ADAMTS15: variants seen among roughly 807,000 people sequenced by gnomAD.
ADAMTS15 encodes the protein A disintegrin and metalloproteinase with thrombospondin motifs 15.
Under a neutral mutation model 79.1 loss-of-function variants are expected in ADAMTS15, and 35 were observed. The observed-to-expected ratio is 0.44, with a 90% CI of 0.34 to 0.59. The LOEUF (loss-of-function observed/expected upper bound fraction) is 0.59. Among genes scored for constraint, ADAMTS15 ranks in the 20% least tolerant of loss-of-function variants. The pLI is 0.02. For missense variants in ADAMTS15, 1,324 were observed against 1,318.7 expected (o/e 1.00, Z -0.06); for synonymous variants, 616 against 567.3 (o/e 1.09, Z -1.22).
At position 130,470,973 on chromosome 11, in the gene ADAMTS15, C is replaced by T; in HGVS notation, c.1774C>T (p.His592Tyr). ...GTGTGAGGCTTTCAACGGCTACAAC[C>T]ACAGCACCAACCGGCTCACTCTCGC... Reference protein sequence around the residue: ...EQCEAFNGYNHSTNRLTLAVA... With the variant: ...EQCEAFNGYNYSTNRLTLAVA... The change falls in exon 6 of 8, where the codon CAC becomes TAC. Residue 592 changes from histidine (H) to tyrosine (Y), a missense_variant. His to Tyr is a moderately conservative substitution (Grantham distance 83). Coordinates refer to ENST00000299164, the MANE Select transcript of ADAMTS15 (RefSeq NM_139055.4). 1.9e-6 allele frequency: 3 copies of T among 1,613,932 alleles called. No individual in the cohort carries two copies. The highest frequency in any genetic ancestry group is 2.5e-6 in the Non-Finnish European group (3 of 1,180,032).
Position 130,470,181 on chromosome 11 carries a change from T to C in ADAMTS15, c.1721-739T>C, listed in dbSNP as rs1391043007. Among the ~76,000 whole-genome samples, 146 of 39,994 alleles carry C rather than the reference T, an allele frequency of 3.7e-3. 1 individual carries two copies. The highest frequency in any genetic ancestry group is 6.0e-3 in the East Asian group (9 of 1,512). 26.2% of individuals were successfully genotyped at this position (39,994 alleles called of 152,430 possible). A position where few individuals can be genotyped will look rare whatever the true frequency, so the allele number is the denominator to read the frequency against. ...ATATATATATATATATATATATATATGTGTGTATATATATATATATATATA... is the reference window on the plus strand; with the variant it reads ...ATATATATATATATATATATATATACGTGTGTATATATATATATATATATA... On this transcript the variant is annotated intron_variant, in intron 5 of 7. Coordinates refer to ENST00000299164, the MANE Select transcript of ADAMTS15 (RefSeq NM_139055.4).
rs1378941006 is a variant in ADAMTS15 at position 130,448,856 on chromosome 11, T to C, written c.-118T>C. On this transcript the variant is annotated 5_prime_UTR_variant, in exon 1 of 8. Transcript: ENST00000299164. ...TCCCTTGGCTCTCCTTTCTGGGAAC[T>C]GCCGGCTGTCCCGTAGCGTTGGCGG... 1.3e-6 allele frequency: 1 copy of C among 756,030 alleles called. No individual in the cohort carries two copies. The highest frequency in any genetic ancestry group is 1.9e-6 in the Non-Finnish European group (1 of 537,246). The allele number at this position is 756,030 out of a possible 1,614,324, so 46.8% of individuals were successfully genotyped here. A position where few individuals can be genotyped will look rare whatever the true frequency, so the allele number is the denominator to read the frequency against.
At chr11:130,464,213 G>A (rs1460050145) in intron 4 of ADAMTS15, among the ~76,000 whole-genome samples, 2 of 152,194 alleles carry the variant, frequency 1.3e-5, no homozygotes, top group Admixed American at 6.5e-5. Context: ...GCTGGAGGAT[G>A]CAGAGACAAG....
intron 7 of ADAMTS15, among the ~76,000 whole-genome samples, chr11:130,471,898 G>A (rs952758025): frequency 7.2e-5 from 11 of 152,250 alleles, no homozygotes; most frequent in African/African-American, 2.4e-4. Context: ...ACAGCTGCCA[G>A]CCTCTCCCTG....
In ADAMTS15 at chr11:130,473,344, C is replaced by T. The variant is rs537929530; in HGVS notation, c.2376C>T (p.Pro792=). The T allele has an allele frequency of 1.4e-5, 23 of 1,612,938 alleles. No homozygotes were observed. In the East Asian group the frequency reaches 4.2e-4, roughly 30 times the overall value. ...EVLSVGKMTP[P]RVRYSFYLPK... ...TCTCCGTGGGGAAGATGACACCGCC[C>T]CGGGTCCGCTACTCCTTCTATCTGC... The change falls in exon 8 of 8, where the codon CCC becomes CCT. Residue 792 remains proline (P), a synonymous_variant. Transcript: ENST00000299164.
intron 2 of ADAMTS15, 121 bp downstream of exon 2, chr11:130,461,742 G>A (rs537524113): frequency 7.1e-7 from 1 of 1,410,026 alleles, no homozygotes; most frequent in African/African-American, 1.4e-5. Context: ...TTAGGGCACA[G>A]TGAGCCTTAG....
At chr11:130,450,268 G>C (rs1409606335) in intron 1 of ADAMTS15, 1 of 985,384 alleles carries the variant, frequency 1.0e-6, no homozygotes, top group East Asian at 1.1e-4. Context: ...ACCGATAGGA[G>C]ACGCCGTGAG....
At chr11:130,470,160 A>ATATATATATATATATGTG (rs1938405024) in intron 5 of ADAMTS15, among the ~76,000 whole-genome samples, 1 of 57,314 alleles carries the variant, frequency 1.7e-5, no homozygotes, top group Non-Finnish European at 3.3e-5. Flanking sequence ...ATGTGTATAT[A>ATATATATATATATATGTG]TATATATATA....
chr11:130,467,244 C>A (rs776036317), intron 4 of ADAMTS15, among the ~76,000 whole-genome samples: 103 of 152,134 alleles, frequency 6.8e-4, no homozygotes, highest in Non-Finnish European at 1.2e-3. Flanking sequence ...TTTCAGTCTT[C>A]TGATGGCCAT....
At chr11:130,455,184 T>C (rs2134719620) in intron 1 of ADAMTS15, among the ~76,000 whole-genome samples, 1 of 152,344 alleles carries the variant, frequency 6.6e-6, no homozygotes. Context: ...TAAGTGTTAC[T>C]GAGTGGTCCA....
At position 130,462,813 on chromosome 11, in the gene ADAMTS15, G is replaced by A. The variant is rs1938231302; in HGVS notation, c.1542+33G>A. On this transcript the variant is annotated intron_variant, in intron 4 of 7. Transcript: ENST00000299164. This position sits in a 1 kb window ranked among gnomAD's most constrained non-coding sequence, Gnocchi z 4.3. ...AGTGCTGGAGCTGCGCTCGGGGACT[G>A]CTGGGAGGAGGGATGGAGACCCGGG... is the stretch of plus-strand genomic sequence containing the variant. 5 of 1,552,118 alleles carry A rather than the reference G, an allele frequency of 3.2e-6. No individual in the cohort carries two copies. The highest frequency in any genetic ancestry group is 4.4e-6 in the Non-Finnish European group (5 of 1,143,252).
At chr11:130,452,027 C>CT (rs1937972580) in intron 1 of ADAMTS15, among the ~76,000 whole-genome samples, 1 of 152,130 alleles carries the variant, frequency 6.6e-6, no homozygotes, top group African/African-American at 2.4e-5. Context: ...AAGGTATGTA[C>CT]TTTATGCTTC....
intron 4 of ADAMTS15, among the ~76,000 whole-genome samples, chr11:130,467,000 T>G (rs992775632): frequency 6.6e-6 from 1 of 152,216 alleles, no homozygotes; most frequent in Non-Finnish European, 1.5e-5. Flanking sequence ...GTTCACGGAT[T>G]CATTTTTATT....
chr11:130,457,062 G>A (rs1938096426), intron 1 of ADAMTS15, among the ~76,000 whole-genome samples: 1 of 152,006 alleles, frequency 6.6e-6, no homozygotes, highest in Admixed American at 6.6e-5. Flanking sequence ...GTGAAACCCA[G>A]TCTCTACTCA....
At chr11:130,471,854 G>A (rs575044968) in intron 7 of ADAMTS15, among the ~76,000 whole-genome samples, 6 of 152,348 alleles carry the variant, frequency 3.9e-5, no homozygotes, top group African/African-American at 1.4e-4. Flanking sequence ...AACACGGTTA[G>A]CATCGTAGCT....
In ADAMTS15 at chr11:130,473,893, G is replaced by C; in HGVS notation, c.*72G>C. The C allele has an allele frequency of 2.0e-6, 3 of 1,484,386 alleles. No individual in the cohort carries two copies. 92.0% of individuals were successfully genotyped at this position (1,484,386 alleles called of 1,614,324 possible). A position where few individuals can be genotyped will look rare whatever the true frequency, so the allele number is the denominator to read the frequency against. ...CCAGCGTTCTGCCAGCTGGAGTAGC[G>C]GGCAGAGGACGGTGGCCAGGGGCTC... On this transcript the variant is annotated 3_prime_UTR_variant, in exon 8 of 8. Transcript: ENST00000299164.
In ADAMTS15 at chr11:130,474,614, T is replaced by A. The variant is rs1193613071; in HGVS notation, c.*793T>A. On this transcript the variant is annotated 3_prime_UTR_variant, in exon 8 of 8. Transcript: ENST00000299164. The stretch of plus-strand genomic sequence containing the variant: ...GGCCATTACAGAAAGATGTTGACAT[T>A]TGCTAGGGGCTATGCAGTCTGTGGC... 1 of 152,308 alleles carries A rather than the reference T, an allele frequency of 6.6e-6. No homozygotes were observed. The highest frequency in any genetic ancestry group is 2.4e-5 in the African/African-American group (1 of 41,426). The allele number at this position is 152,308 out of a possible 1,614,324, so 9.4% of individuals were successfully genotyped here. A position where few individuals can be genotyped will look rare whatever the true frequency, so the allele number is the denominator to read the frequency against.
chr11:130,464,804 A>C (rs1592147917), intron 4 of ADAMTS15, among the ~76,000 whole-genome samples: 2 of 151,912 alleles, frequency 1.3e-5, no homozygotes, highest in Non-Finnish European at 2.9e-5. Context: ...CCATGTCTGC[A>C]AAAAATACAC....
At chr11:130,470,158 A>ATATATATATATATATATATATATATGTG (rs1938404329) in intron 5 of ADAMTS15, among the ~76,000 whole-genome samples, 3 of 50,024 alleles carry the variant, frequency 6.0e-5, no homozygotes, top group South Asian at 5.2e-4. Context: ...ATATGTGTAT[A>ATATATATATATATATATATATATATGTG]TATATATATA....
Sources: gnomAD v4.1 joint callset for allele counts (sites outside exome capture counted in the v4.1 genomes callset) on GRCh38, gnomAD v4.1.1 for gene constraint, Gnocchi (gnomAD v3.1) non-coding constraint, MANE v1.5 for transcripts, NCBI Gene and HGNC (gene_info 2026-07-23, HGNC 2026-07-21) for gene names.